FOXP1: variants seen among roughly 807,000 people sequenced by gnomAD.
FOXP1 encodes the protein forkhead box P1, also known as forkhead box protein P1.
Under a neutral mutation model 98.2 loss-of-function variants are expected in FOXP1, and 15 were observed. The ratio of observed to expected loss-of-function variants is 0.15; its 90% CI spans 0.10 to 0.24. FOXP1 has a LOEUF of 0.24. Ranked by LOEUF, FOXP1 falls within the 10% of genes least tolerant of loss-of-function variation. The pLI, the probability that FOXP1 is intolerant of heterozygous loss-of-function variation, is 1.00. For synonymous variants in FOXP1, 371 were observed against 314.5 expected (o/e 1.18, Z -1.90); for missense variants, 633 against 848.5 (o/e 0.75, Z 3.15).
At chr3:71,252,135 TC>T (rs2068245360) in intron 5 of FOXP1, among the ~76,000 whole-genome samples, 1 of 152,192 alleles carries the variant, frequency 6.6e-6, no homozygotes, top group Non-Finnish European at 1.5e-5. Flanking sequence ...TCTTTCTCTC[TC>T]TCTCACCGCT....
chr3:70,965,989 T>C lies in FOXP1; in HGVS notation c.1790A>G (p.Asn597Ser). ...CTCTTCCCGTATTGCGCTGGCTAAGTTGCCCAGAGTGGGATTTCCCATGGA... is the reference window on the plus strand; with the variant it reads ...CTCTTCCCGTATTGCGCTGGCTAAGCTGCCCAGAGTGGGATTTCCCATGGA... ...TASMGNPTLG[N>S]LASAIREELN... is the part of the protein sequence containing the mutation. Residue 597 changes from asparagine to serine, a missense_variant, in exon 20 of 21, where the codon AAC becomes AGC. This residue lies in a region of FOXP1 where 150 missense variants were observed against 163.7 expected (regional missense o/e 0.92). Transcript: ENST00000649528. 1 of 1,614,172 alleles carries C rather than the reference T, an allele frequency of 6.2e-7. No homozygotes were observed. The highest frequency in any genetic ancestry group is 8.5e-7 in the Non-Finnish European group (1 of 1,180,026).
chr3:70,996,201 C>G lies in FOXP1; in HGVS notation c.1062+4771G>C, dbSNP rs150111423. ...TAATCTCCATGTTGGTCAGGCTGGT[C>G]TCGAACTCCCGACCTTAGGTGATCT... On this transcript the variant is annotated intron_variant, in intron 13 of 20. Transcript: ENST00000649528. 2.5e-3 allele frequency among the ~76,000 whole-genome samples: 382 copies of G among 152,250 alleles called. 1 individual carries two copies. The highest frequency in any genetic ancestry group is 8.9e-3 in the African/African-American group (370 of 41,538).
intron 3 of FOXP1, among the ~76,000 whole-genome samples, chr3:71,437,709 C>T (rs913764041): frequency 6.6e-6 from 1 of 152,156 alleles, no homozygotes; most frequent in Non-Finnish European, 1.5e-5. Context: ...CATGAACTTC[C>T]GAGTCTGTGA....
intron 6 of FOXP1, among the ~76,000 whole-genome samples, chr3:71,171,714 T>C (rs1353324664): frequency 6.6e-6 from 1 of 152,236 alleles, no homozygotes; most frequent in Non-Finnish European, 1.5e-5. Flanking sequence ...AGGGTTTCTT[T>C]CAGAGGGAGA....
At chr3:71,516,217 T>A (rs2042569669) in intron 2 of FOXP1, among the ~76,000 whole-genome samples, 1 of 152,148 alleles carries the variant, frequency 6.6e-6, no homozygotes, top group African/African-American at 2.4e-5. Flanking sequence ...GCTGAAGCAT[T>A]TTATGGTAAG....
intron 11 of FOXP1, among the ~76,000 whole-genome samples, chr3:71,023,914 C>T (rs919508798): frequency 2.6e-5 from 4 of 152,186 alleles, no homozygotes; most frequent in Admixed American, 6.5e-5. Context: ...TTGATCGCAA[C>T]GACCTTTTCT....
intron 2 of FOXP1, among the ~76,000 whole-genome samples, chr3:71,536,624 C>G (rs1024616428): frequency 1.4e-5 from 2 of 147,540 alleles, no homozygotes; most frequent in African/African-American, 5.1e-5. Context: ...AAAAGCAGCA[C>G]AGATAACACA....
At position 71,198,295 on chromosome 3, in the gene FOXP1, G is replaced by T; in HGVS notation, c.87C>A (p.Cys29Ter). Residue 29 changes from cysteine to a stop codon, truncating the protein, a stop_gained, in exon 6 of 21, where the codon TGC (cysteine) becomes TGA (stop). Coordinates refer to ENST00000649528, the MANE Select transcript of FOXP1 (RefSeq NM_001349338.3). LOFTEE classifies it high-confidence loss of function. The stretch of plus-strand genomic sequence containing the variant: ...TGGACCGCCCCTCCCGAAGACCGCC[G>T]CACTCTAGTAAGTGGTTGCTGCCGC... Reference protein sequence around the residue: ...GSGGSNHLLECGGLREGRSNG... With the variant: ...GSGGSNHLLE The T allele has an allele frequency of 6.2e-7, 1 of 1,614,076 alleles. No homozygotes were observed. The highest frequency in any genetic ancestry group is 8.5e-7 in the Non-Finnish European group (1 of 1,180,036).
chr3:71,582,722 G>A (rs1303765385), intron 1 of FOXP1: 11 of 985,204 alleles, frequency 1.1e-5, no homozygotes, highest in Non-Finnish European at 1.3e-5. Context: ...CACGGCTGTT[G>A]CGGACTCGTC....
At chr3:71,060,165 T>C (rs915772766) in intron 7 of FOXP1, among the ~76,000 whole-genome samples, 4 of 152,130 alleles carry the variant, frequency 2.6e-5, no homozygotes, top group African/African-American at 9.7e-5. Context: ...GGGACTATAA[T>C]TGAATTTCAA....
chr3:71,046,837 G>T, intron 10 of FOXP1, 105 bp downstream of exon 10: 1 of 1,285,162 alleles, frequency 7.8e-7, no homozygotes, highest in Non-Finnish European at 1.1e-6. Flanking sequence ...GAATCTATGT[G>T]CATGTTTTGA....
intron 5 of FOXP1, among the ~76,000 whole-genome samples, chr3:71,219,262 C>T (rs1475922035): frequency 6.6e-6 from 1 of 152,176 alleles, no homozygotes; most frequent in African/African-American, 2.4e-5. Context: ...CCCATCTGAT[C>T]ATGTGACCTC....
intron 2 of FOXP1, chr3:71,570,846 T>A (rs897004353): frequency 2.6e-5 from 4 of 152,206 alleles, no homozygotes; most frequent in African/African-American, 9.7e-5. Context: ...GAGCAGCAGA[T>A]GGTACTGCTG....
chr3:71,314,914 AG>A (rs1221333990), intron 4 of FOXP1, among the ~76,000 whole-genome samples: 1 of 152,050 alleles, frequency 6.6e-6, no homozygotes, highest in African/African-American at 2.4e-5. Context: ...TTACTGATTT[AG>A]GATCTTAAAC....
In FOXP1 at chr3:71,001,759, G is replaced by C. The variant is rs542171550; in HGVS notation, c.975-700C>G. 7.5e-4 allele frequency among the ~76,000 whole-genome samples: 114 copies of C among 152,280 alleles called. No individual in the cohort carries two copies. In the Middle Eastern group the frequency reaches 0.014, roughly 18 times the overall value. On this transcript the variant is annotated intron_variant, in intron 12 of 20. Coordinates refer to ENST00000649528, the MANE Select transcript of FOXP1 (RefSeq NM_001349338.3). ...TTATTAGACTTTCCAACAGGGAAAA[G>C]GCTAACAAATTGAAATTTCAATCAG... is the stretch of plus-strand genomic sequence containing the variant.
At chr3:71,295,557 C>T (rs1197882703) in intron 5 of FOXP1, among the ~76,000 whole-genome samples, 1 of 142,220 alleles carries the variant, frequency 7.0e-6, no homozygotes, top group African/African-American at 2.5e-5. Flanking sequence ...CTCAAATAAC[C>T]TGACTTTAAA....
At chr3:71,011,634 C>T (rs570280185) in intron 12 of FOXP1, among the ~76,000 whole-genome samples, 1 of 152,142 alleles carries the variant, frequency 6.6e-6, no homozygotes, top group South Asian at 2.1e-4. Context: ...TTCGCTTCAG[C>T]CAATTTAAGT....
At chr3:71,024,241 T>C (rs564681587) in intron 11 of FOXP1, among the ~76,000 whole-genome samples, 4 of 152,256 alleles carry the variant, frequency 2.6e-5, no homozygotes, top group African/African-American at 9.6e-5. Context: ...TTTGTAAAAA[T>C]GACCTTTCTC....
intron 2 of FOXP1, among the ~76,000 whole-genome samples, chr3:71,511,450 G>A (rs1286521813): frequency 2.0e-5 from 3 of 151,422 alleles, no homozygotes; most frequent in Non-Finnish European, 4.4e-5. Flanking sequence ...TTGAAAAGCT[G>A]CTGATAAGCC....
Sources: allele counts gnomAD v4.1 joint callset (sites outside exome capture counted in the v4.1 genomes callset), GRCh38; gene constraint gnomAD v4.1.1; regional missense constraint gnomAD v4.1.1; transcripts MANE v1.5; gene names NCBI Gene and HGNC (gene_info 2026-07-23, HGNC 2026-07-21).